VEPH1: variants seen among roughly 807,000 people sequenced by gnomAD.
The protein encoded by VEPH1 is ventricular zone expressed PH domain containing 1.
VEPH1 carries 80 observed loss-of-function variants against 85.2 expected under a neutral mutation model. The observed-to-expected ratio is 0.94, with a 90% confidence interval of 0.78 to 1.13. VEPH1 has a LOEUF of 1.13. Among genes scored for constraint, VEPH1 ranks in the 50% most tolerant of loss-of-function variants. The probability of loss-of-function intolerance (pLI) is 0.00; values close to 1 mark genes in which losing one functional copy is unlikely to be tolerated. For synonymous variants in VEPH1, 297 were observed against 348.0 expected, an observed-to-expected ratio of 0.85 and a Z score of 1.63; for missense variants, 955 against 980.5, an observed-to-expected ratio of 0.97 and a Z score of 0.35.
At position 157,461,947 on chromosome 3, in the gene VEPH1, G is replaced by A. The variant is rs1036419335; in HGVS notation, c.355-1592C>T. ...AAAATCAAGAACTTCTAGTCATCAAGAGATATCATTTAAAAAGTGAAAAGA... is the reference window on the plus strand; with the variant it reads ...AAAATCAAGAACTTCTAGTCATCAAAAGATATCATTTAAAAAGTGAAAAGA... On this transcript the variant is annotated intron_variant, in intron 3 of 13. Transcript: ENST00000362010. 4.0e-5 allele frequency among the ~76,000 whole-genome samples: 6 copies of A among 151,608 alleles called. No individual in the cohort carries two copies. The East Asian group carries it at 5.8e-4, about 15-fold the overall frequency.
chr3:157,326,712 C>T (rs1213181575), intron 9 of VEPH1, among the ~76,000 whole-genome samples: 1 of 152,156 alleles, frequency 6.6e-6, no homozygotes. Context: ...AGAAGTGGGT[C>T]CTGACTTCCC....
intron 11 of VEPH1, among the ~76,000 whole-genome samples, chr3:157,308,780 T>C (rs1719791863): frequency 6.6e-6 from 1 of 152,124 alleles, no homozygotes; most frequent in South Asian, 2.1e-4. Flanking sequence ...CATTCAAGTG[T>C]ATTTCTCTCC....
intron 9 of VEPH1, among the ~76,000 whole-genome samples, chr3:157,337,654 T>C (rs1201395871): frequency 2.0e-5 from 3 of 152,198 alleles, no homozygotes; most frequent in Non-Finnish European, 4.4e-5. Context: ...ACTTTTATAA[T>C]CGGGGAAAAA....
At chr3:157,481,340 A>T (rs1296463128) in intron 2 of VEPH1, among the ~76,000 whole-genome samples, 1 of 151,702 alleles carries the variant, frequency 6.6e-6, no homozygotes, top group Admixed American at 6.6e-5. Flanking sequence ...TACTGCCCAA[A>T]GCAATCTATA....
chr3:157,334,843 G>A (rs1472500232), intron 9 of VEPH1, among the ~76,000 whole-genome samples: 1 of 152,106 alleles, frequency 6.6e-6, no homozygotes, highest in Non-Finnish European at 1.5e-5. Flanking sequence ...CATGGAGGTG[G>A]GGATGAGAAT....
intron 9 of VEPH1, among the ~76,000 whole-genome samples, chr3:157,360,831 T>C (rs1725977217): frequency 6.6e-6 from 1 of 152,084 alleles, no homozygotes; most frequent in South Asian, 2.1e-4. Context: ...CCACCATAAA[T>C]CAGGGACCAT....
intron 6 of VEPH1, among the ~76,000 whole-genome samples, chr3:157,386,104 T>A (rs970823773): frequency 3.9e-5 from 6 of 152,038 alleles, no homozygotes; most frequent in African/African-American, 1.2e-4. Flanking sequence ...TCAAATTGTA[T>A]CACTGGCAGC....
At chr3:157,348,683 C>T (rs1724515693) in intron 9 of VEPH1, among the ~76,000 whole-genome samples, 1 of 152,246 alleles carries the variant, frequency 6.6e-6, no homozygotes, top group South Asian at 2.1e-4. Flanking sequence ...GCTGCAGAGG[C>T]CTGGTGCCTC....
intron 9 of VEPH1, among the ~76,000 whole-genome samples, chr3:157,359,045 TAAAG>T (rs1725758594): frequency 6.6e-6 from 1 of 152,150 alleles, no homozygotes; most frequent in African/African-American, 2.4e-5. Context: ...TGTGGGTCTA[TAAAG>T]AAAGGACTAC....
intron 3 of VEPH1, among the ~76,000 whole-genome samples, chr3:157,466,552 C>T (rs765157311): frequency 1.3e-5 from 2 of 152,202 alleles, no homozygotes; most frequent in Non-Finnish European, 2.9e-5. Context: ...TATGTAATAT[C>T]ATTTTTAACT....
intron 12 of VEPH1, among the ~76,000 whole-genome samples, chr3:157,270,700 C>T (rs558767698): frequency 6.6e-6 from 1 of 152,016 alleles, no homozygotes; most frequent in South Asian, 2.1e-4. Context: ...CCACCCACCC[C>T]GTATGTATTT....
chr3:157,378,129 A>C (rs912179238), intron 7 of VEPH1, among the ~76,000 whole-genome samples: 4 of 152,004 alleles, frequency 2.6e-5, no homozygotes, highest in African/African-American at 9.7e-5. Flanking sequence ...CCAGCTGCAG[A>C]GACTGTAAAC....
In VEPH1 at chr3:157,286,555, ACC is replaced by A; in HGVS notation, c.2128_2128+1del. On this transcript the variant is annotated splice_donor_variant and coding_sequence_variant, in exon 12 of 14. Transcript: ENST00000362010. LOFTEE classifies it high-confidence loss of function. ...TCTTAGCAGCAGGTAAGGGTCTCTCACCAGTTGCTTTCTCAGGATTGTTGCAC... is the reference window on the plus strand; with the variant it reads ...TCTTAGCAGCAGGTAAGGGTCTCTCAAGTTGCTTTCTCAGGATTGTTGCAC... The A allele has an allele frequency of 6.2e-7, 1 of 1,612,900 alleles. No homozygotes were observed. Among genetic ancestry groups the A allele is most frequent in the South Asian group, 1.1e-5 (1 of 91,044 alleles).
In VEPH1 at chr3:157,392,109, T is replaced by C. The variant is rs147489865; in HGVS notation, c.907-10733A>G. Among the ~76,000 whole-genome samples, 709 of 152,312 alleles carry C rather than the reference T, an allele frequency of 4.7e-3. 6 individuals are homozygous for C. Among genetic ancestry groups the C allele is most frequent in the African/African-American group, 0.016 (674 of 41,568 alleles). On this transcript the variant is annotated intron_variant, in intron 6 of 13. Coordinates refer to ENST00000362010, the MANE Select transcript of VEPH1 (RefSeq NM_001167912.2). Reference sequence around the variant, plus strand: ...TTCTAAACATGAAATGAAAGAATGATACCTGCTAAATAATAAAACAAAAAC... The same window carrying C: ...TTCTAAACATGAAATGAAAGAATGACACCTGCTAAATAATAAAACAAAAAC...
chr3:157,407,836 A>T lies in VEPH1; in HGVS notation c.906+6045T>A, dbSNP rs143603271. Among the ~76,000 whole-genome samples the T allele has an allele frequency of 3.0e-3, 459 of 152,318 alleles. 5 individuals are homozygous for T. Among genetic ancestry groups the T allele is most frequent in the African/African-American group, 0.011 (441 of 41,574 alleles). ...TACTATTTGCTAAATACTGTTCCAC[A>T]TGGGTTAACTCATTAAATCCTCACA... On this transcript the variant is annotated intron_variant, in intron 6 of 13. Transcript: ENST00000362010.
At chr3:157,481,381 C>A (rs1160512432) in intron 2 of VEPH1, among the ~76,000 whole-genome samples, 1 of 137,122 alleles carries the variant, frequency 7.3e-6, no homozygotes, top group Non-Finnish European at 1.5e-5. Flanking sequence ...AAATTACCAA[C>A]ATCATTTTTC....
At chr3:157,353,221 A>G (rs772825286) in intron 9 of VEPH1, among the ~76,000 whole-genome samples, 2 of 151,690 alleles carry the variant, frequency 1.3e-5, no homozygotes, top group Non-Finnish European at 2.9e-5. Context: ...AAATGTTCAA[A>G]TTTCCCCCTC....
intron 4 of VEPH1, chr3:157,443,618 G>T (rs1021174045): frequency 6.6e-6 from 1 of 152,528 alleles, no homozygotes; most frequent in South Asian, 2.1e-4. Context: ...AAATTTAAGA[G>T]ATGTTTTGGA....
At chr3:157,292,269 G>T (rs1050687002) in intron 11 of VEPH1, among the ~76,000 whole-genome samples, 2 of 152,156 alleles carry the variant, frequency 1.3e-5, no homozygotes, top group African/African-American at 4.8e-5. Flanking sequence ...GCTCTGGTGT[G>T]CCCTGACTGT....
Sources: allele counts gnomAD v4.1 joint callset (sites outside exome capture counted in the v4.1 genomes callset), GRCh38; gene constraint gnomAD v4.1.1; transcripts MANE v1.5; gene names NCBI Gene and HGNC (gene_info 2026-07-23, HGNC 2026-07-21).